The following SUGCT variants were observed in gnomAD, a reference collection of about 807,000 sequenced individuals.
SUGCT encodes succinyl-CoA:glutarate CoA-transferase.
SUGCT carries 41 observed loss-of-function variants against 55.0 expected under a neutral mutation model. The ratio of observed to expected loss-of-function variants is 0.74; its 90% CI spans 0.58 to 0.97. The LOEUF (loss-of-function observed/expected upper bound fraction) is 0.97, where lower values mean the gene tolerates loss of function less well. Ranked by LOEUF, SUGCT falls within the 50% of genes least tolerant of loss-of-function variation. The probability of loss-of-function intolerance (pLI) is 0.00; values close to 1 mark genes in which losing one functional copy is unlikely to be tolerated. For synonymous variants in SUGCT, 187 were observed against 200.4 expected (o/e 0.93, Z 0.56); for missense variants, 568 against 547.8 (o/e 1.04, Z -0.37).
At chr7:40,404,658 A>C (rs1583608424) in intron 9 of SUGCT, among the ~76,000 whole-genome samples, 1 of 152,256 alleles carries the variant, frequency 6.6e-6, no homozygotes, top group East Asian at 1.9e-4. Context: ...GCTGGTCTCG[A>C]ACCCCTGACC....
At chr7:40,479,201 G>GAT (rs1398718671) in intron 11 of SUGCT, among the ~76,000 whole-genome samples, 1 of 152,006 alleles carries the variant, frequency 6.6e-6, no homozygotes, top group Non-Finnish European at 1.5e-5. Context: ...TGAGAGTGAA[G>GAT]ATATCTCTTT....
At chr7:40,278,846 A>G (rs1279778067) in intron 8 of SUGCT, among the ~76,000 whole-genome samples, 1 of 134,066 alleles carries the variant, frequency 7.5e-6, no homozygotes, top group African/African-American at 2.8e-5. Context: ...TTTTTTAAAG[A>G]GATACGGTCT....
At chr7:40,778,651 C>A (rs977308388) in intron 13 of SUGCT, among the ~76,000 whole-genome samples, 1 of 152,212 alleles carries the variant, frequency 6.6e-6, no homozygotes, top group African/African-American at 2.4e-5. Context: ...CAAAGTGGAT[C>A]ACAGGCCTGG....
intron 1 of SUGCT, among the ~76,000 whole-genome samples, chr7:40,173,052 C>A (rs1784751941): frequency 6.6e-6 from 1 of 152,200 alleles, no homozygotes; most frequent in East Asian, 1.9e-4. Flanking sequence ...TGGTGGCAGG[C>A]TGCTCCCAAG....
At chr7:40,994,508 C>CTG in the SUGCT span, among the ~76,000 whole-genome samples, 3,861 of 152,256 alleles carry the variant, frequency 0.025, 162 homozygotes, top group South Asian at 0.18. Context: ...GGAGCACATG[C>CTG]TGTGCATCAG....
intron 9 of SUGCT, among the ~76,000 whole-genome samples, chr7:40,343,751 G>T (rs1797171295): frequency 6.6e-6 from 1 of 152,026 alleles, no homozygotes; most frequent in Admixed American, 6.6e-5. Flanking sequence ...CCGCCTCCCG[G>T]GTTCACGCCA....
At chr7:40,671,227 A>G (rs1801923365) in intron 12 of SUGCT, among the ~76,000 whole-genome samples, 1 of 152,222 alleles carries the variant, frequency 6.6e-6, no homozygotes, top group South Asian at 2.1e-4. Context: ...TCATATTAAC[A>G]GGCTAAAGAT....
At chr7:40,170,668 T>C (rs1006184752) in intron 1 of SUGCT, among the ~76,000 whole-genome samples, 5 of 152,006 alleles carry the variant, frequency 3.3e-5, no homozygotes, top group Admixed American at 6.6e-5. Context: ...GTAGCAGTCC[T>C]GCACCTGTTT....
chr7:40,576,212 A>G (rs1487919952), intron 12 of SUGCT, among the ~76,000 whole-genome samples: 1 of 152,206 alleles, frequency 6.6e-6, no homozygotes. Context: ...TAAAAGAATT[A>G]AAAGTGATGA....
intron 9 of SUGCT, among the ~76,000 whole-genome samples, chr7:40,394,856 A>G (rs540607616): frequency 2.0e-5 from 3 of 152,222 alleles, no homozygotes; most frequent in Admixed American, 6.5e-5. Flanking sequence ...GCTATTGCAC[A>G]TAACAGGAGT....
intron 1 of SUGCT, among the ~76,000 whole-genome samples, chr7:40,154,419 T>C (rs941937963): frequency 2.6e-5 from 4 of 152,230 alleles, no homozygotes; most frequent in Non-Finnish European, 4.4e-5. Context: ...CTTAAAATGC[T>C]TTTAAAGATG....
intron 12 of SUGCT, among the ~76,000 whole-genome samples, chr7:40,569,349 A>G (rs1796317414): frequency 6.6e-6 from 1 of 152,150 alleles, no homozygotes; most frequent in African/African-American, 2.4e-5. Context: ...TTCGCTCAGT[A>G]TCTCTTCCCA....
In SUGCT at chr7:40,555,051, G is replaced by A. The variant is rs1282407222; in HGVS notation, c.1089+58665G>A. ...TGGTCACTGCTCAACAGTTTTTTCT[G>A]TAGTAAATATCTGGTGTTCTATATA... On this transcript the variant is annotated intron_variant, in intron 12 of 13. Transcript: ENST00000335693. 1.3e-4 allele frequency among the ~76,000 whole-genome samples: 20 copies of A among 152,204 alleles called. 1 individual carries two copies. The South Asian group carries it at 4.2e-3, about 32-fold the overall frequency.
At chr7:41,027,659 A>G in the SUGCT span, among the ~76,000 whole-genome samples, 2 of 152,212 alleles carry the variant, frequency 1.3e-5, no homozygotes, top group Non-Finnish European at 2.9e-5. Context: ...CATTCATGGC[A>G]TTCCACTTGG....
intron 1 of SUGCT, among the ~76,000 whole-genome samples, chr7:40,175,484 T>C (rs571726916): frequency 9.8e-5 from 15 of 152,288 alleles, no homozygotes; most frequent in African/African-American, 3.6e-4. Context: ...CCTCCCAAAG[T>C]GCTGGGATTA....
intron 9 of SUGCT, among the ~76,000 whole-genome samples, chr7:40,361,553 G>A (rs369099512): frequency 6.6e-6 from 1 of 150,654 alleles, no homozygotes; most frequent in African/African-American, 2.4e-5. Context: ...CAGCCTGGGC[G>A]ACACAGCGAG....
rs80060762 is a variant in SUGCT at position 40,194,747 on chromosome 7, T to C, written c.364-193T>C. Among the ~76,000 whole-genome samples, 56 of 152,372 alleles carry C rather than the reference T, an allele frequency of 3.7e-4. No individual in the cohort carries two copies. In the East Asian group the frequency reaches 0.01, roughly 27 times the overall value. On this transcript the variant is annotated intron_variant, in intron 5 of 13. Transcript: ENST00000335693. ...TACTTACATGTACTTACAAAAACTT[T>C]AATAGCCATTATTTTACTGACAGTA... is the stretch of plus-strand genomic sequence containing the variant.
chr7:40,219,544 G>A (rs1343799034), intron 6 of SUGCT, among the ~76,000 whole-genome samples: 1 of 152,104 alleles, frequency 6.6e-6, no homozygotes, highest in African/African-American at 2.4e-5. Flanking sequence ...GTCATGATCA[G>A]TCATCTCAAT....
chr7:40,992,854 G>A, the SUGCT span, among the ~76,000 whole-genome samples: 3 of 152,146 alleles, frequency 2.0e-5, no homozygotes, highest in Non-Finnish European at 2.9e-5. Context: ...GAGAATTTAA[G>A]GCATATATTC....
Sources: allele counts gnomAD v4.1 joint callset (sites outside exome capture counted in the v4.1 genomes callset), GRCh38; gene constraint gnomAD v4.1.1; transcripts MANE v1.5; gene names NCBI Gene and HGNC (gene_info 2026-07-23, HGNC 2026-07-21).